The following COL23A1 variants were observed in gnomAD, a reference collection of about 807,000 sequenced individuals.
COL23A1 encodes collagen alpha-1(XXIII) chain.
A neutral mutation model predicts 99.3 loss-of-function variants in COL23A1; 97 were observed. The observed-to-expected ratio is 0.98, with a 90% CI of 0.83 to 1.16. The LOEUF (loss-of-function observed/expected upper bound fraction) is 1.16. Among genes scored for constraint, COL23A1 ranks in the 50% most tolerant of loss-of-function variants. The pLI is 0.00. For synonymous variants in COL23A1, 320 were observed against 308.2 expected (o/e 1.04, Z -0.40); for missense variants, 762 against 757.4 (o/e 1.01, Z -0.07).
intron 2 of COL23A1, among the ~76,000 whole-genome samples, chr5:178,511,906 T>C (rs906589536): frequency 1.3e-5 from 2 of 152,224 alleles, no homozygotes; most frequent in Non-Finnish European, 2.9e-5. Context: ...AAATTTTAAT[T>C]GGTACCACTC....
At position 178,315,866 on chromosome 5, in the gene COL23A1, T is replaced by C. The variant is rs149794376; in HGVS notation, c.362-8947A>G. Reference sequence around the variant, plus strand: ...TAATTGCTAATAAAAAAACAAGCACTGTATTCCTTGATTAGCTTGATTCCT... The same window carrying C: ...TAATTGCTAATAAAAAAACAAGCACCGTATTCCTTGATTAGCTTGATTCCT... On this transcript the variant is annotated intron_variant, in intron 2 of 28. Coordinates refer to ENST00000390654, the MANE Select transcript of COL23A1 (RefSeq NM_173465.4). Among the ~76,000 whole-genome samples the C allele has an allele frequency of 5.6e-4, 85 of 150,476 alleles. 1 individual carries two copies. Among genetic ancestry groups the C allele is most frequent in the African/African-American group, 2.0e-3 (81 of 41,174 alleles).
At chr5:178,431,218 G>A (rs1204574941) in intron 2 of COL23A1, among the ~76,000 whole-genome samples, 3 of 152,182 alleles carry the variant, frequency 2.0e-5, no homozygotes, top group African/African-American at 7.2e-5. Context: ...GGGGAGCTGG[G>A]CTTGGGGTTG....
chr5:178,460,188 G>A (rs1425680644), intron 2 of COL23A1, among the ~76,000 whole-genome samples: 1 of 152,052 alleles, frequency 6.6e-6, no homozygotes, highest in Non-Finnish European at 1.5e-5. Context: ...AGAACTCAGA[G>A]GATTTGCCAT....
At position 178,590,087 on chromosome 5, in the gene COL23A1, G is replaced by A. The variant is rs1252708187; in HGVS notation, c.111C>T (p.Ser37=). 2.3e-6 allele frequency: 3 copies of A among 1,305,624 alleles called. No individual in the cohort carries two copies. Among genetic ancestry groups the A allele is most frequent in the Admixed American group, 3.1e-5 (1 of 32,058 alleles). The allele number at this position is 1,305,624 out of a possible 1,614,324, so 80.9% of individuals were successfully genotyped here. Residue 37 remains serine, a synonymous_variant, in exon 1 of 29, where the codon AGC becomes AGT. Coordinates refer to ENST00000390654, the MANE Select transcript of COL23A1 (RefSeq NM_173465.4). The surrounding 1 kb of genome is among the most constrained non-coding windows in gnomAD (Gnocchi z 5.7). The part of the protein sequence containing the change: ...SATTAGSRAV[S]ALCLLLSVGS... Reference sequence around the variant, plus strand: ...CCACGGAGAGCAGCAGGCACAGCGCGCTCACCGCCCGGGACCCGGCCGTCG... The same window carrying A: ...CCACGGAGAGCAGCAGGCACAGCGCACTCACCGCCCGGGACCCGGCCGTCG...
chr5:178,506,797 C>T (rs1035147843), intron 2 of COL23A1, among the ~76,000 whole-genome samples: 2 of 152,160 alleles, frequency 1.3e-5, no homozygotes, highest in South Asian at 4.1e-4. Context: ...ATTTTTATTA[C>T]CAACAATGAG....
chr5:178,425,669 C>G (rs942260502), intron 2 of COL23A1, among the ~76,000 whole-genome samples: 2 of 152,118 alleles, frequency 1.3e-5, no homozygotes, highest in African/African-American at 4.8e-5. Flanking sequence ...TTGGGTCTGC[C>G]GGCAACTGGA....
At chr5:178,359,165 T>G (rs775145192) in intron 2 of COL23A1, among the ~76,000 whole-genome samples, 1 of 152,224 alleles carries the variant, frequency 6.6e-6, no homozygotes, top group Non-Finnish European at 1.5e-5. Flanking sequence ...GGCAAGTCAT[T>G]TAACCTCTCT....
intron 17 of COL23A1, among the ~76,000 whole-genome samples, chr5:178,250,978 C>CAAAA (rs558621690): frequency 2.8e-5 from 2 of 72,094 alleles, no homozygotes; most frequent in African/African-American, 1.0e-4. Context: ...GACTCCGTCT[C>CAAAA]AAAAAAAAAA....
intron 2 of COL23A1, among the ~76,000 whole-genome samples, chr5:178,513,144 G>A (rs976286797): frequency 4.7e-5 from 7 of 149,230 alleles, no homozygotes; most frequent in Non-Finnish European, 8.8e-5. Context: ...TCCAGAGGGC[G>A]CAGACCTGGG....
At chr5:178,292,851 G>A (rs948409495) in intron 3 of COL23A1, among the ~76,000 whole-genome samples, 13 of 152,178 alleles carry the variant, frequency 8.5e-5, no homozygotes, top group African/African-American at 3.1e-4. Flanking sequence ...ACGTGGCACT[G>A]CTGCAAGTTA....
At chr5:178,303,592 C>T (rs1758186438) in intron 3 of COL23A1, among the ~76,000 whole-genome samples, 1 of 152,198 alleles carries the variant, frequency 6.6e-6, no homozygotes, top group Non-Finnish European at 1.5e-5. Context: ...AAGACTCTAG[C>T]ACAGACACTG....
chr5:178,470,015 C>T (rs1001546420), intron 2 of COL23A1, among the ~76,000 whole-genome samples: 17 of 152,220 alleles, frequency 1.1e-4, no homozygotes, highest in African/African-American at 4.1e-4. Context: ...CAAGCAGTCA[C>T]TCTAGCCAGC....
At chr5:178,513,459 A>G (rs1202488506) in intron 2 of COL23A1, among the ~76,000 whole-genome samples, 1 of 152,186 alleles carries the variant, frequency 6.6e-6, no homozygotes, top group African/African-American at 2.4e-5. Flanking sequence ...CAGATGTATT[A>G]TCTTAGAGTT....
intron 2 of COL23A1, among the ~76,000 whole-genome samples, chr5:178,360,809 C>T (rs959713650): frequency 4.6e-5 from 7 of 152,186 alleles, no homozygotes; most frequent in East Asian, 1.9e-4. Context: ...TTCAGGGAAC[C>T]GGGGGACCCA....
chr5:178,541,250 C>T (rs4976733), intron 2 of COL23A1, among the ~76,000 whole-genome samples: 89,126 of 152,062 alleles, frequency 0.59, 28,081 homozygotes, highest in African/African-American at 0.82. Context: ...TGCAGAGCAA[C>T]TGGAATTGTC....
chr5:178,255,718 A>C lies in COL23A1; in HGVS notation c.882+635T>G. On this transcript the variant is annotated intron_variant, in intron 15 of 28. Coordinates refer to ENST00000390654, the MANE Select transcript of COL23A1 (RefSeq NM_173465.4). This position sits in a 1 kb window ranked among gnomAD's most constrained non-coding sequence, Gnocchi z 4.2. ...CATTTGCCAGCCCTCCCCCGTCCCC[A>C]GTCACAGCCTGCCCAGAACTGCCTG... 1 of 216,502 alleles carries C rather than the reference A, an allele frequency of 4.6e-6. No individual in the cohort carries two copies. Among genetic ancestry groups the C allele is most frequent in the Admixed American group, 5.2e-5 (1 of 19,154 alleles). 13.4% of individuals were successfully genotyped at this position (216,502 alleles called of 1,614,324 possible).
chr5:178,449,651 C>T (rs560251987), intron 2 of COL23A1, among the ~76,000 whole-genome samples: 19 of 151,898 alleles, frequency 1.3e-4, no homozygotes, highest in African/African-American at 3.1e-4. Context: ...CAACCTCCAA[C>T]GATGCCGCAC....
chr5:178,587,064 T>G (rs1764042300), intron 1 of COL23A1, among the ~76,000 whole-genome samples: 1 of 152,246 alleles, frequency 6.6e-6, no homozygotes, highest in Admixed American at 6.5e-5. Flanking sequence ...TTGCATTACA[T>G]TTTTTACTGT....
intron 2 of COL23A1, among the ~76,000 whole-genome samples, chr5:178,392,345 C>T (rs1764013969): frequency 6.6e-6 from 1 of 152,132 alleles, no homozygotes; most frequent in Non-Finnish European, 1.5e-5. Context: ...GCACACTCAC[C>T]TTATTTATAT....
Sources: allele counts gnomAD v4.1 joint callset (sites outside exome capture counted in the v4.1 genomes callset), GRCh38; gene constraint gnomAD v4.1.1; non-coding constraint Gnocchi (gnomAD v3.1); transcripts MANE v1.5; gene names NCBI Gene and HGNC (gene_info 2026-07-23, HGNC 2026-07-21).